The following GBF1 variants were observed in gnomAD, a reference collection of about 807,000 sequenced individuals.
GBF1 encodes the protein golgi brefeldin A resistant guanine nucleotide exchange factor 1.
GBF1 carries 114 observed loss-of-function variants against 210.5 expected under a neutral mutation model. That is an observed-to-expected ratio of 0.54 (90% CI 0.47 to 0.63). The LOEUF is 0.63. Among genes scored for constraint, GBF1 ranks in the 30% least tolerant of loss-of-function variants. The pLI is 0.00. For synonymous variants in GBF1, 850 were observed against 889.2 expected (o/e 0.96, Z 0.78); for missense variants, 1,851 against 2,357.7 (o/e 0.79, Z 4.45).
At chr10:102,268,092 G>T (rs1223739148) in intron 3 of GBF1, among the ~76,000 whole-genome samples, 1 of 152,000 alleles carries the variant, frequency 6.6e-6, no homozygotes, top group East Asian at 1.9e-4. Context: ...TTTTTACTGG[G>T]GCCTTCCCCA....
chr10:102,257,522 C>A (rs1202177426), intron 1 of GBF1, among the ~76,000 whole-genome samples: 1 of 151,966 alleles, frequency 6.6e-6, no homozygotes, highest in African/African-American at 2.4e-5. Context: ...CACTGTTTGC[C>A]CAGGCTGGTC....
the GBF1 span, chr10:102,231,969 G>T: frequency 6.2e-7 from 1 of 1,608,584 alleles, no homozygotes; most frequent in Non-Finnish European, 8.5e-7. Flanking sequence ...TTACCGCTGT[G>T]CTCCTGGCCC....
Position 102,324,690 on chromosome 10 carries a change from G to A in GBF1, c.164-19361G>A, listed in dbSNP as rs113605922. Among the ~76,000 whole-genome samples the A allele has an allele frequency of 2.8e-4, 43 of 152,216 alleles. No homozygotes were observed. In the East Asian group the frequency reaches 4.3e-3, roughly 15 times the overall value. ...CAGCCTCCACCTTCCAGGTTCAAGC[G>A]ATTCTCCTGCCTCAGCCTTCTGAGT... is the stretch of plus-strand genomic sequence containing the variant. On this transcript the variant is annotated intron_variant, in intron 3 of 39. Coordinates refer to ENST00000369983, the MANE Select transcript of GBF1 (RefSeq NM_001377137.1).
At chr10:102,296,733 T>A (rs2076938466) in intron 3 of GBF1, among the ~76,000 whole-genome samples, 1 of 147,550 alleles carries the variant, frequency 6.8e-6, no homozygotes, top group Non-Finnish European at 1.5e-5. Context: ...AGAGTGAGAC[T>A]CTGTCTCAAA....
chr10:102,279,958 AT>A (rs140829227), intron 3 of GBF1, among the ~76,000 whole-genome samples: 4 of 151,500 alleles, frequency 2.6e-5, no homozygotes, highest in African/African-American at 4.9e-5. Context: ...TCTCTACTAA[AT>A]TTTTTTTTGT....
rs1424123147 is a variant in GBF1 at position 102,316,142 on chromosome 10, A to G, written c.164-27909A>G. Among the ~76,000 whole-genome samples, 3 of 139,222 alleles carry G rather than the reference A, an allele frequency of 2.2e-5. 1 individual carries two copies. Among genetic ancestry groups the G allele is most frequent in the East Asian group, 4.1e-4 (2 of 4,820 alleles). The allele number at this position is 139,222 out of a possible 152,430, so 91.3% of individuals were successfully genotyped here. A position where few individuals can be genotyped will look rare whatever the true frequency, so the allele number is the denominator to read the frequency against. Reference sequence around the variant, plus strand: ...CACTCTGTCGCCCAAGCTGGAGTGCAGTGGTGCAATATCAGCTCACTGCAA... The same window carrying G: ...CACTCTGTCGCCCAAGCTGGAGTGCGGTGGTGCAATATCAGCTCACTGCAA... On this transcript the variant is annotated intron_variant, in intron 3 of 39. Coordinates refer to ENST00000369983, the MANE Select transcript of GBF1 (RefSeq NM_001377137.1).
rs2059960279 is a variant in GBF1, at chr10:102,367,157, A to C, written c.2506A>C (p.Thr836Pro). The change falls in exon 20 of 40, where the codon ACT becomes CCT. Residue 836 changes from threonine to proline, a missense_variant. By Grantham distance (38) the Thr-to-Pro change is conservative. This residue lies in a region of GBF1 where 80 missense variants were observed against 151.4 expected (regional missense o/e 0.53). Coordinates refer to ENST00000369983, the MANE Select transcript of GBF1 (RefSeq NM_001377137.1). Reference sequence around the variant, plus strand: ...GGCCTATGCTGTCATCATGCTTAATACTGACCAGCACAACCACAATGTTCG... The same window carrying C: ...GGCCTATGCTGTCATCATGCTTAATCCTGACCAGCACAACCACAATGTTCG... ...SLAYAVIMLN[T>P]DQHNHNVRKQ... The C allele has an allele frequency of 6.2e-7, 1 of 1,613,686 alleles. No homozygotes were observed. Among genetic ancestry groups the C allele is most frequent in the Admixed American group, 1.7e-5 (1 of 59,992 alleles).
At chr10:102,354,216 G>A (rs2059162014) in intron 8 of GBF1, among the ~76,000 whole-genome samples, 1 of 152,184 alleles carries the variant, frequency 6.6e-6, no homozygotes, top group South Asian at 2.1e-4. Flanking sequence ...AGCCCTAAGA[G>A]GGTCTACCTA....
the GBF1 span, among the ~76,000 whole-genome samples, chr10:102,232,426 T>TA: frequency 1.8e-4 from 27 of 152,320 alleles, no homozygotes; most frequent in South Asian, 5.6e-3. Context: ...CTCACGCCTG[T>TA]AATCCCAGCA....
At chr10:102,292,107 T>TCTCGATCTCTTGAC (rs2133675518) in intron 3 of GBF1, among the ~76,000 whole-genome samples, 1 of 152,104 alleles carries the variant, frequency 6.6e-6, no homozygotes, top group East Asian at 1.9e-4. Flanking sequence ...GCCAGGATGG[T>TCTCGATCTCTTGAC]CTCGATCTCT....
At chr10:102,312,815 G>A (rs148753771) in intron 3 of GBF1, among the ~76,000 whole-genome samples, 20 of 152,274 alleles carry the variant, frequency 1.3e-4, no homozygotes, top group African/African-American at 4.8e-4. Flanking sequence ...AGTGAATTGA[G>A]CTTAATTGTG....
intron 3 of GBF1, among the ~76,000 whole-genome samples, chr10:102,330,296 G>A (rs760503589): frequency 3.3e-5 from 5 of 152,026 alleles, no homozygotes; most frequent in East Asian, 1.9e-4. Flanking sequence ...TTAGAGCCTC[G>A]GTGTCCTTAT....
At chr10:102,261,253 GTGTGTT>G (rs1416381781) in intron 3 of GBF1, among the ~76,000 whole-genome samples, 4 of 148,980 alleles carry the variant, frequency 2.7e-5, no homozygotes, top group African/African-American at 1.0e-4. Flanking sequence ...GTGTGTGTGT[GTGTGTT>G]TATTTTATGT....
upstream of GBF1, among the ~76,000 whole-genome samples, chr10:102,244,102 C>T (rs1435908721): frequency 6.6e-6 from 1 of 152,144 alleles, no homozygotes; most frequent in Non-Finnish European, 1.5e-5. Flanking sequence ...TGCACTCCAT[C>T]CTGGATGACA....
chr10:102,316,458 C>T (rs1172685223), intron 3 of GBF1, among the ~76,000 whole-genome samples: 1 of 152,176 alleles, frequency 6.6e-6, no homozygotes, highest in Non-Finnish European at 1.5e-5. Flanking sequence ...ATTGCTTATA[C>T]TTCTTGGTAA....
At chr10:102,291,823 A>G (rs1163022830) in intron 3 of GBF1, among the ~76,000 whole-genome samples, 1 of 151,878 alleles carries the variant, frequency 6.6e-6, no homozygotes, top group Non-Finnish European at 1.5e-5. Context: ...TACCTTTATC[A>G]TAGGCTGCTG....
At chr10:102,368,507 A>G (rs952677584) in intron 22 of GBF1, 53 bp downstream of exon 22, 4 of 1,056,846 alleles carry the variant, frequency 3.8e-6, no homozygotes, top group Non-Finnish European at 5.9e-6. Context: ...GTGAGCTAAC[A>G]TGGTTTTCTC....
chr10:102,294,840 ATATGTAGTAGGC>A (rs1589525993), intron 3 of GBF1, among the ~76,000 whole-genome samples: 3 of 152,318 alleles, frequency 2.0e-5, no homozygotes, highest in African/African-American at 7.2e-5. Flanking sequence ...TATAGCCTAG[ATATGTAGTAGGC>A]TATACCACGT....
chr10:102,246,165 A>C (rs1370214955), intron 1 of GBF1, among the ~76,000 whole-genome samples: 2 of 152,218 alleles, frequency 1.3e-5, no homozygotes, highest in Admixed American at 1.3e-4. Flanking sequence ...TTCAGACTTT[A>C]GATGTGAAAG....
Sources: gnomAD v4.1 joint callset for allele counts (sites outside exome capture counted in the v4.1 genomes callset) on GRCh38, gnomAD v4.1.1 for gene constraint, gnomAD v4.1.1 regional missense constraint, MANE v1.5 for transcripts, NCBI Gene and HGNC (gene_info 2026-07-23, HGNC 2026-07-21) for gene names.